Variants in CACUL1 observed in about 807,000 individuals in gnomAD.
The protein encoded by CACUL1 is CDK2 associated cullin domain 1.
A neutral mutation model predicts 45.2 loss-of-function variants in CACUL1; 13 were observed. The observed-to-expected ratio is 0.29, with a 90% CI of 0.19 to 0.46. CACUL1 has a LOEUF of 0.46. Among genes scored for constraint, CACUL1 ranks in the 20% least tolerant of loss-of-function variants. CACUL1 has a pLI of 1.00. For missense variants in CACUL1, 421 were observed against 471.4 expected, an observed-to-expected ratio of 0.89 and a Z score of 0.99; for synonymous variants, 197 against 174.2, an observed-to-expected ratio of 1.13 and a Z score of -1.03.
intron 1 of CACUL1, among the ~76,000 whole-genome samples, chr10:118,740,404 G>A (rs1266058271): frequency 6.6e-6 from 1 of 151,934 alleles, no homozygotes; most frequent in Non-Finnish European, 1.5e-5. Flanking sequence ...GAGGCCAGGA[G>A]TTCAAGACCA....
At chr10:118,702,664 C>T (rs1266741698) in intron 4 of CACUL1, among the ~76,000 whole-genome samples, 4 of 151,398 alleles carry the variant, frequency 2.6e-5, no homozygotes, top group African/African-American at 9.7e-5. Flanking sequence ...TCACTGCAAC[C>T]TCTGCTTCCC....
chr10:118,746,283 T>G (rs1330367510), intron 1 of CACUL1, among the ~76,000 whole-genome samples: 5 of 152,172 alleles, frequency 3.3e-5, no homozygotes, highest in Non-Finnish European at 7.3e-5. Flanking sequence ...TAAATAAGAT[T>G]AATGAAATAG....
chr10:118,752,600 T>TA (rs1218670060), intron 1 of CACUL1, among the ~76,000 whole-genome samples: 1 of 152,214 alleles, frequency 6.6e-6, no homozygotes, highest in Non-Finnish European at 1.5e-5. Context: ...TTTCTCTTCT[T>TA]ACATGTCCTT....
chr10:118,693,994 A>G (rs1388356727), intron 6 of CACUL1, among the ~76,000 whole-genome samples: 1 of 152,166 alleles, frequency 6.6e-6, no homozygotes, highest in Non-Finnish European at 1.5e-5. Flanking sequence ...CTCAGGAAGT[A>G]GCTGGGACTA....
chr10:118,739,856 T>C (rs565206893), intron 1 of CACUL1, among the ~76,000 whole-genome samples: 8 of 152,292 alleles, frequency 5.3e-5, no homozygotes, highest in South Asian at 4.1e-4. Context: ...GTTTTAAGAG[T>C]ATGTTTGGCT....
intron 1 of CACUL1, among the ~76,000 whole-genome samples, chr10:118,733,532 T>C (rs1001704718): frequency 2.0e-5 from 3 of 152,202 alleles, no homozygotes; most frequent in Non-Finnish European, 4.4e-5. Context: ...TATTTGTTAT[T>C]TACTTGCTTA....
At chr10:118,737,204 A>G (rs1845748336) in intron 1 of CACUL1, among the ~76,000 whole-genome samples, 1 of 151,908 alleles carries the variant, frequency 6.6e-6, no homozygotes, top group African/African-American at 2.4e-5. Context: ...GAGGGCAGCA[A>G]TTATTTCTAA....
rs145011426 is a variant in CACUL1, at chr10:118,680,707, C to T, written c.*5421G>A. ...CAAAAACTACAAATATACTGATATC[C>T]GTATCCATACTATATATGAATATAG... On this transcript the variant is annotated 3_prime_UTR_variant, in exon 9 of 9. Transcript: ENST00000369151. 2.9e-3 allele frequency: 436 copies of T among 152,236 alleles called. 2 individuals carry two copies. The highest frequency in any genetic ancestry group is 9.9e-3 in the African/African-American group (413 of 41,556). 9.4% of individuals were successfully genotyped at this position (152,236 alleles called of 1,614,324 possible).
In CACUL1 at chr10:118,702,166, C is replaced by T. The variant is rs564961918; in HGVS notation, c.694-758G>A. Reference sequence around the variant, plus strand: ...TGGGCCGAGCACCTTGTGACCCCTGCCCACCACAGAACAACCCCTTTGACT... The same window carrying T: ...TGGGCCGAGCACCTTGTGACCCCTGTCCACCACAGAACAACCCCTTTGACT... On this transcript the variant is annotated intron_variant, in intron 4 of 8. Transcript: ENST00000369151. 3.9e-5 allele frequency among the ~76,000 whole-genome samples: 6 copies of T among 152,300 alleles called. No homozygotes were observed. In the East Asian group the frequency reaches 1.2e-3, roughly 29 times the overall value.
At chr10:118,742,317 T>C (rs1326194) in intron 1 of CACUL1, among the ~76,000 whole-genome samples, 1 of 152,226 alleles carries the variant, frequency 6.6e-6, no homozygotes, top group Non-Finnish European at 1.5e-5. Flanking sequence ...CATAAAAGGA[T>C]ATTAACAATC....
rs991804971 is a variant in CACUL1 at position 118,679,986 on chromosome 10, A to G, written c.*6142T>C. 7 of 152,194 alleles carry G rather than the reference A, an allele frequency of 4.6e-5. No homozygotes were observed. The highest frequency in any genetic ancestry group is 8.8e-5 in the Non-Finnish European group (6 of 68,012). 9.4% of individuals were successfully genotyped at this position (152,194 alleles called of 1,614,324 possible). A position where few individuals can be genotyped will look rare whatever the true frequency, so the allele number is the denominator to read the frequency against. On this transcript the variant is annotated 3_prime_UTR_variant, in exon 9 of 9. Transcript: ENST00000369151. ...GGTATACTATTAGACATGTAGGTAC[A>G]TTACTAGAAAGTTTTGAATTGTTAT...
chr10:118,730,127 T>G (rs1845684698), intron 2 of CACUL1, among the ~76,000 whole-genome samples, 157 bp downstream of exon 2: 1 of 152,192 alleles, frequency 6.6e-6, no homozygotes. Context: ...TCAAAAAGTA[T>G]AAACCAAACC....
intron 1 of CACUL1, among the ~76,000 whole-genome samples, chr10:118,751,336 A>AT (rs1564841046): frequency 6.6e-6 from 1 of 151,882 alleles, no homozygotes; most frequent in African/African-American, 2.4e-5. Context: ...AGAGCTTAAC[A>AT]TTTTCAATAA....
At chr10:118,710,755 T>C (rs1318650968) in intron 3 of CACUL1, among the ~76,000 whole-genome samples, 1 of 152,192 alleles carries the variant, frequency 6.6e-6, no homozygotes, top group East Asian at 1.9e-4. Context: ...TAGAACATAG[T>C]AGATAAAGAA....
At chr10:118,729,242 C>T (rs2119640060) in intron 3 of CACUL1, 53 bp downstream of exon 3, 1 of 1,218,196 alleles carries the variant, frequency 8.2e-7, no homozygotes, top group South Asian at 1.2e-5. Context: ...AAGCTAACTG[C>T]AACCAGTCAG....
At chr10:118,754,226 G>A (rs903405766) in intron 1 of CACUL1, among the ~76,000 whole-genome samples, 170 bp downstream of exon 1, 4 of 152,164 alleles carry the variant, frequency 2.6e-5, no homozygotes, top group Non-Finnish European at 4.4e-5. Context: ...CACCAAATGA[G>A]GGGGAGGGGA....
rs1845099551 is a variant in CACUL1 at position 118,676,560 on chromosome 10, TA to T, written c.*9567del. ...AATGAAGTGACTTATTCAGCTACAA[TA>T]GTCATTAAAACCAAGCATGAAAATA... On this transcript the variant is annotated 3_prime_UTR_variant, in exon 9 of 9. Coordinates refer to ENST00000369151, the MANE Select transcript of CACUL1 (RefSeq NM_153810.5). 2.0e-5 allele frequency: 3 copies of T among 152,298 alleles called. No individual in the cohort carries two copies. Among genetic ancestry groups the T allele is most frequent in the South Asian group, 4.1e-4 (2 of 4,826 alleles). 9.4% of individuals were successfully genotyped at this position (152,298 alleles called of 1,614,324 possible). A position where few individuals can be genotyped will look rare whatever the true frequency, so the allele number is the denominator to read the frequency against.
chr10:118,715,637 A>G (rs549711061), intron 3 of CACUL1, among the ~76,000 whole-genome samples: 47 of 152,354 alleles, frequency 3.1e-4, no homozygotes, highest in African/African-American at 1.1e-3. Context: ...CTAACTGGAC[A>G]ATGCAGATGT....
chr10:118,695,824 G>A (rs1300144939), intron 5 of CACUL1, among the ~76,000 whole-genome samples: 1 of 152,190 alleles, frequency 6.6e-6, no homozygotes, highest in Non-Finnish European at 1.5e-5. Flanking sequence ...ACATTTTTAA[G>A]AAGTTTTTAA....
Sources: allele counts gnomAD v4.1 joint callset (sites outside exome capture counted in the v4.1 genomes callset), GRCh38; gene constraint gnomAD v4.1.1; transcripts MANE v1.5; gene names NCBI Gene and HGNC (gene_info 2026-07-23, HGNC 2026-07-21).